Variants in KCTD8 observed in about 807,000 individuals in gnomAD.
KCTD8 encodes the protein BTB/POZ domain-containing protein KCTD8.
A neutral mutation model predicts 31.5 loss-of-function variants in KCTD8; 27 were observed. That is an observed-to-expected ratio of 0.86 (90% CI 0.63 to 1.18). KCTD8 has a LOEUF of 1.18. KCTD8 is among the 50% of genes most tolerant of loss of function. KCTD8 has a pLI of 0.00. For synonymous variants in KCTD8, 290 were observed against 280.0 expected (o/e 1.04, Z -0.36); for missense variants, 658 against 647.7 (o/e 1.02, Z -0.17).
At chr4:44,338,293 C>A (rs1173120003) in intron 1 of KCTD8, among the ~76,000 whole-genome samples, 1 of 151,996 alleles carries the variant, frequency 6.6e-6, no homozygotes, top group Non-Finnish European at 1.5e-5. Flanking sequence ...TAAAAATAGT[C>A]TGACTTGGTT....
At chr4:44,236,263 G>A (rs1339524284) in intron 1 of KCTD8, among the ~76,000 whole-genome samples, 1 of 152,150 alleles carries the variant, frequency 6.6e-6, no homozygotes, top group Non-Finnish European at 1.5e-5. Flanking sequence ...AAAAGCTAGG[G>A]GGAAATGGAG....
intron 1 of KCTD8, among the ~76,000 whole-genome samples, chr4:44,369,729 T>G (rs1210045217): frequency 6.6e-6 from 1 of 151,766 alleles, no homozygotes; most frequent in Non-Finnish European, 1.5e-5. Flanking sequence ...GCCAGGGGGG[T>G]TGTGGCTGCA....
At chr4:44,191,448 G>T (rs1218256863) in intron 1 of KCTD8, among the ~76,000 whole-genome samples, 1 of 152,166 alleles carries the variant, frequency 6.6e-6, no homozygotes, top group Non-Finnish European at 1.5e-5. Context: ...GGCAAAAAGA[G>T]CCATATTTTT....
intron 1 of KCTD8, among the ~76,000 whole-genome samples, chr4:44,196,107 T>G (rs527326820): frequency 1.3e-5 from 2 of 152,304 alleles, no homozygotes; most frequent in African/African-American, 4.8e-5. Context: ...AACTAGAACT[T>G]GCTTGAATGC....
chr4:44,422,002 C>G (rs1295936081), intron 1 of KCTD8, among the ~76,000 whole-genome samples: 1 of 152,078 alleles, frequency 6.6e-6, no homozygotes, highest in Non-Finnish European at 1.5e-5. Context: ...GAAATACATG[C>G]CATTCCTTCT....
chr4:44,239,130 A>G, intron 1 of KCTD8, among the ~76,000 whole-genome samples: 1 of 152,226 alleles, frequency 6.6e-6, no homozygotes. Context: ...GATGAGGATC[A>G]CATAAAATAT....
intron 1 of KCTD8, among the ~76,000 whole-genome samples, chr4:44,231,134 G>T (rs1170712243): frequency 1.3e-5 from 2 of 152,148 alleles, no homozygotes; most frequent in Non-Finnish European, 2.9e-5. Flanking sequence ...CCTGCGCCAA[G>T]AGTGGGTTGC....
intron 1 of KCTD8, among the ~76,000 whole-genome samples, chr4:44,434,914 G>T (rs1348211025): frequency 6.6e-6 from 1 of 151,526 alleles, no homozygotes; most frequent in African/African-American, 2.4e-5. Flanking sequence ...GGATTTTGTG[G>T]GATTATTTAT....
chr4:44,192,457 G>T (rs892836871), intron 1 of KCTD8, among the ~76,000 whole-genome samples: 1 of 149,318 alleles, frequency 6.7e-6, no homozygotes, highest in Non-Finnish European at 1.5e-5. Flanking sequence ...AGTGGATGGG[G>T]TGCAAGGTAA....
chr4:44,332,671 A>G (rs1016390055), intron 1 of KCTD8, among the ~76,000 whole-genome samples: 6 of 152,014 alleles, frequency 3.9e-5, no homozygotes, highest in Non-Finnish European at 7.4e-5. Flanking sequence ...TGAAAGAGAA[A>G]TAGGTTCTTT....
At chr4:44,440,388 C>G (rs1019256142) in intron 1 of KCTD8, among the ~76,000 whole-genome samples, 12 of 152,060 alleles carry the variant, frequency 7.9e-5, no homozygotes, top group African/African-American at 2.7e-4. Flanking sequence ...TATGTAACAA[C>G]TTCTCATGTC....
rs185724919 is a variant in KCTD8, at chr4:44,438,784, T to C, written c.961+8779A>G. 3.2e-4 allele frequency among the ~76,000 whole-genome samples: 48 copies of C among 152,312 alleles called. 1 individual carries two copies. In the East Asian group the frequency reaches 5.4e-3, roughly 17 times the overall value. On this transcript the variant is annotated intron_variant, in intron 1 of 1. Coordinates refer to ENST00000360029, the MANE Select transcript of KCTD8 (RefSeq NM_198353.3). ...GTAAAGAAATGGGATTGCCTATGCA[T>C]TATTGTGAGGCCCTTAAATTAGTAA...
intron 1 of KCTD8, among the ~76,000 whole-genome samples, chr4:44,366,239 C>T (rs1183673503): frequency 6.6e-6 from 1 of 152,094 alleles, no homozygotes; most frequent in Non-Finnish European, 1.5e-5. Context: ...ATGAAGGAGA[C>T]TCATATGGTT....
chr4:44,398,416 C>T (rs1156897779), intron 1 of KCTD8, among the ~76,000 whole-genome samples: 2 of 152,124 alleles, frequency 1.3e-5, no homozygotes, highest in East Asian at 1.9e-4. Flanking sequence ...AGCATAAACA[C>T]CAATGATGAT....
intron 1 of KCTD8, among the ~76,000 whole-genome samples, chr4:44,219,478 G>C: frequency 6.6e-6 from 1 of 152,004 alleles, no homozygotes; most frequent in East Asian, 1.9e-4. Flanking sequence ...GAAGTTTGGG[G>C]CCCACAAACA....
chr4:44,270,001 G>A (rs1716530491), intron 1 of KCTD8, among the ~76,000 whole-genome samples: 1 of 152,042 alleles, frequency 6.6e-6, no homozygotes, highest in African/African-American at 2.4e-5. Context: ...CAGGGATCTA[G>A]AACTAGAAAT....
chr4:44,244,858 G>A (rs887139453), intron 1 of KCTD8, among the ~76,000 whole-genome samples: 3 of 149,870 alleles, frequency 2.0e-5, no homozygotes, highest in East Asian at 2.0e-4. Context: ...GGGGGGGGGG[G>A]GGTCTTCATT....
At chr4:44,418,424 A>T (rs1007991746) in intron 1 of KCTD8, among the ~76,000 whole-genome samples, 5 of 152,106 alleles carry the variant, frequency 3.3e-5, no homozygotes, top group Non-Finnish European at 7.4e-5. Context: ...TTGTCCATTC[A>T]AATATCTTTC....
chr4:44,423,050 A>G (rs1577666010), intron 1 of KCTD8, among the ~76,000 whole-genome samples: 2 of 152,096 alleles, frequency 1.3e-5, no homozygotes, highest in African/African-American at 4.8e-5. Context: ...CAACCAGGGC[A>G]GTTTACCCCC....
Sources: gnomAD v4.1 joint callset for allele counts (sites outside exome capture counted in the v4.1 genomes callset) on GRCh38, gnomAD v4.1.1 for gene constraint, MANE v1.5 for transcripts, NCBI Gene and HGNC (gene_info 2026-07-23, HGNC 2026-07-21) for gene names.